LIN28B: variants seen among roughly 807,000 people sequenced by gnomAD.
The protein encoded by LIN28B is lin-28 RNA binding posttranscriptional regulator B.
Under a neutral mutation model 21.9 loss-of-function variants are expected in LIN28B, and 5 were observed. That is an observed-to-expected ratio of 0.23 (90% CI 0.12 to 0.48). The LOEUF (loss-of-function observed/expected upper bound fraction) is 0.48. Among genes scored for constraint, LIN28B ranks in the 20% least tolerant of loss-of-function variants. The probability of loss-of-function intolerance (pLI) is 0.98; values close to 1 mark genes in which losing one functional copy is unlikely to be tolerated. For missense variants in LIN28B, 245 were observed against 310.5 expected (o/e 0.79, Z 1.58); for synonymous variants, 109 against 111.3 (o/e 0.98, Z 0.13).
At chr6:104,953,571 C>T (rs988431254), upstream of LIN28B, among the ~76,000 whole-genome samples, 3 of 152,210 alleles carry the variant, frequency 2.0e-5, no homozygotes, top group Admixed American at 2.0e-4. Context: ...AATCACCAGC[C>T]TTTGGATCTA....
intron 2 of LIN28B, among the ~76,000 whole-genome samples, chr6:104,989,475 G>C (rs537579492): frequency 6.6e-6 from 1 of 151,744 alleles, no homozygotes; most frequent in African/African-American, 2.4e-5. Context: ...CGCCCACCTT[G>C]GCCTCCCAAA....
intron 2 of LIN28B, among the ~76,000 whole-genome samples, chr6:104,988,651 A>G (rs1040343705): frequency 6.8e-5 from 10 of 147,808 alleles, no homozygotes; most frequent in African/African-American, 2.5e-4. Context: ...AACTCACTGC[A>G]ACCTCCGCCT....
chr6:105,023,714 G>A (rs529465223), intron 2 of LIN28B, among the ~76,000 whole-genome samples: 2 of 120,600 alleles, frequency 1.7e-5, no homozygotes, highest in African/African-American at 6.3e-5. Flanking sequence ...TTTGGGGAGG[G>A]GGACATATAT....
Position 104,958,127 on chromosome 6 carries a change from G to A in LIN28B, c.39G>A (p.Glu13=), listed in dbSNP as rs774142376. ...GGGCTAGCAAAGGTGGTGGAGAAGA[G>A]CCCGGGAAGCTGCCGGAGCCGGCAG... The part of the protein sequence containing the change: ...EGGASKGGGE[E]PGKLPEPAEE... The change falls in exon 2 of 4, where the codon GAG becomes GAA. Residue 13 remains glutamate, a synonymous_variant. Coordinates refer to ENST00000345080, the MANE Select transcript of LIN28B (RefSeq NM_001004317.4). The A allele has an allele frequency of 1.1e-5, 18 of 1,602,598 alleles. No homozygotes were observed. The highest frequency in any genetic ancestry group is 1.5e-5 in the Non-Finnish European group (17 of 1,172,022).
At chr6:104,938,569 G>A (rs577963888) in intron 2 of LIN28B, among the ~76,000 whole-genome samples, 1 of 151,938 alleles carries the variant, frequency 6.6e-6, no homozygotes, top group South Asian at 2.1e-4. Flanking sequence ...AACCCAGAAG[G>A]TGGAGGCTGC....
At chr6:105,067,228 A>G (rs1377148565) in intron 3 of LIN28B, among the ~76,000 whole-genome samples, 5 of 152,242 alleles carry the variant, frequency 3.3e-5, no homozygotes, top group Non-Finnish European at 7.3e-5. Context: ...CATAATTGAT[A>G]GTAGTACTAA....
intron 3 of LIN28B, among the ~76,000 whole-genome samples, chr6:105,029,068 C>G (rs1043104966): frequency 6.6e-6 from 1 of 152,124 alleles, no homozygotes; most frequent in Non-Finnish European, 1.5e-5. Flanking sequence ...CTTAGCAACA[C>G]GGAAGTCATT....
At chr6:105,011,453 G>A (rs968957090) in intron 2 of LIN28B, among the ~76,000 whole-genome samples, 1 of 152,178 alleles carries the variant, frequency 6.6e-6, no homozygotes, top group East Asian at 1.9e-4. Flanking sequence ...GCTTCCCAAA[G>A]TGCTAGGAGT....
chr6:105,029,984 C>T (rs1218627424), intron 3 of LIN28B, among the ~76,000 whole-genome samples: 1 of 152,090 alleles, frequency 6.6e-6, no homozygotes, highest in South Asian at 2.1e-4. Context: ...TGGCAAGGTA[C>T]GAGGTGGTGG....
intron 2 of LIN28B, among the ~76,000 whole-genome samples, chr6:104,959,410 A>G (rs546696377): frequency 1.4e-4 from 22 of 152,222 alleles, no homozygotes; most frequent in Non-Finnish European, 3.1e-4. Context: ...GCATGTTCCT[A>G]GTAATATTTA....
At chr6:105,071,910 C>G (rs1334633028) in intron 3 of LIN28B, among the ~76,000 whole-genome samples, 5 of 151,884 alleles carry the variant, frequency 3.3e-5, no homozygotes, top group African/African-American at 4.8e-5. Context: ...ATTTTTAGAC[C>G]AAGTTTTTCA....
intron 3 of LIN28B, among the ~76,000 whole-genome samples, chr6:105,070,686 A>AGAG (rs1772317091): frequency 1.3e-5 from 2 of 150,420 alleles, no homozygotes; most frequent in African/African-American, 2.4e-5. Flanking sequence ...AGTCTGAGGT[A>AGAG]GAGGATGATT....
intron 3 of LIN28B, among the ~76,000 whole-genome samples, chr6:105,037,480 C>T (rs1347751144): frequency 1.4e-5 from 2 of 140,808 alleles, no homozygotes; most frequent in African/African-American, 2.6e-5. Context: ...CCTCCCCTCT[C>T]CTCCCCCTCC....
chr6:105,051,130 G>A lies in LIN28B; in HGVS notation c.383+24648G>A, dbSNP rs529560666. Among the ~76,000 whole-genome samples the A allele has an allele frequency of 4.0e-3, 602 of 150,930 alleles. 5 individuals carry two copies. Among genetic ancestry groups the A allele is most frequent in the Non-Finnish European group, 5.8e-3 (396 of 67,806 alleles). On this transcript the variant is annotated intron_variant, in intron 3 of 3. Coordinates refer to ENST00000345080, the MANE Select transcript of LIN28B (RefSeq NM_001004317.4). ...AATATATCTAAAAGAAAAAAATGTA[G>A]TTAATAATGAGTAAAAGAAAAAGCT... is the stretch of plus-strand genomic sequence containing the variant.
At chr6:104,991,570 G>C (rs1770480243) in intron 2 of LIN28B, among the ~76,000 whole-genome samples, 1 of 151,346 alleles carries the variant, frequency 6.6e-6, no homozygotes, top group African/African-American at 2.4e-5. Flanking sequence ...CCCAGAAGAT[G>C]GGCGGCCGGG....
intron 2 of LIN28B, among the ~76,000 whole-genome samples, chr6:104,988,652 A>G (rs1265198958): frequency 6.6e-6 from 1 of 150,790 alleles, no homozygotes; most frequent in Non-Finnish European, 1.5e-5. Context: ...ACTCACTGCA[A>G]CCTCCGCCTC....
In LIN28B at chr6:105,036,323, A is replaced by G. The variant is rs143368448; in HGVS notation, c.383+9841A>G. The stretch of plus-strand genomic sequence containing the variant: ...AACTATTGCATCCAAATTTTCAGTC[A>G]TCCATATGGTGACTAAGGAAATTAG... On this transcript the variant is annotated intron_variant, in intron 3 of 3. Coordinates refer to ENST00000345080, the MANE Select transcript of LIN28B (RefSeq NM_001004317.4). Among the ~76,000 whole-genome samples, 1,412 of 152,300 alleles carry G rather than the reference A, an allele frequency of 9.3e-3. 22 individuals are homozygous for G. Among genetic ancestry groups the G allele is most frequent in the African/African-American group, 0.032 (1,345 of 41,560 alleles).
At chr6:105,005,397 AGT>A (rs1770796887) in intron 2 of LIN28B, among the ~76,000 whole-genome samples, 1 of 152,052 alleles carries the variant, frequency 6.6e-6, no homozygotes, top group African/African-American at 2.4e-5. Context: ...TTCTCAATAA[AGT>A]GTTCTCCTTT....
intron 2 of LIN28B, among the ~76,000 whole-genome samples, chr6:105,009,451 T>G (rs1227968919): frequency 6.6e-6 from 1 of 152,066 alleles, no homozygotes; most frequent in Non-Finnish European, 1.5e-5. Context: ...GTTTTGGGGT[T>G]TTTTGGGGGG....
Sources: gnomAD v4.1 joint callset for allele counts (sites outside exome capture counted in the v4.1 genomes callset) on GRCh38, gnomAD v4.1.1 for gene constraint, MANE v1.5 for transcripts, NCBI Gene and HGNC (gene_info 2026-07-23, HGNC 2026-07-21) for gene names.